Variants in ARHGAP26 observed in about 807,000 individuals in gnomAD.
The protein encoded by ARHGAP26 is rho GTPase-activating protein 26.
A neutral mutation model predicts 104.8 loss-of-function variants in ARHGAP26; 38 were observed. The observed-to-expected ratio is 0.36, with a 90% confidence interval of 0.28 to 0.48. The LOEUF is 0.48. Among genes scored for constraint, ARHGAP26 ranks in the 20% least tolerant of loss-of-function variants. The pLI is 0.99. For missense variants in ARHGAP26, 704 were observed against 947.9 expected, an observed-to-expected ratio of 0.74 and a Z score of 3.38; for synonymous variants, 341 against 340.0, an observed-to-expected ratio of 1.00 and a Z score of -0.03.
intron 11 of ARHGAP26, among the ~76,000 whole-genome samples, chr5:143,002,443 C>G (rs1777320761): frequency 6.6e-6 from 1 of 152,084 alleles, no homozygotes; most frequent in Non-Finnish European, 1.5e-5. Context: ...TTTAGTATTT[C>G]AGTTTCTTTT....
intron 17 of ARHGAP26, among the ~76,000 whole-genome samples, chr5:143,099,233 C>T (rs924317056): frequency 1.3e-5 from 2 of 152,156 alleles, no homozygotes; most frequent in Non-Finnish European, 2.9e-5. Context: ...GTAAGTTAAG[C>T]AAAACTTACA....
At chr5:142,853,489 C>T (rs756485815) in intron 1 of ARHGAP26, among the ~76,000 whole-genome samples, 6 of 152,186 alleles carry the variant, frequency 3.9e-5, no homozygotes, top group Non-Finnish European at 7.3e-5. Flanking sequence ...CTATGCCCAG[C>T]CTAGCTTAGA....
chr5:142,845,080 A>G (rs2152221493), intron 1 of ARHGAP26, among the ~76,000 whole-genome samples: 1 of 152,266 alleles, frequency 6.6e-6, no homozygotes, highest in South Asian at 2.1e-4. Context: ...GCCCAGAACA[A>G]GCACCAGGAA....
chr5:142,840,104 A>G (rs1770467072), intron 1 of ARHGAP26, among the ~76,000 whole-genome samples: 1 of 152,158 alleles, frequency 6.6e-6, no homozygotes, highest in South Asian at 2.1e-4. Context: ...GGGTGTGGCT[A>G]TCTTTGAGAT....
At chr5:142,844,064 T>C (rs1187700283) in intron 1 of ARHGAP26, among the ~76,000 whole-genome samples, 1 of 151,596 alleles carries the variant, frequency 6.6e-6, no homozygotes, top group African/African-American at 2.4e-5. Context: ...TTTTTTTTTT[T>C]TTTTTGAGAC....
intron 1 of ARHGAP26, among the ~76,000 whole-genome samples, chr5:142,849,964 C>G (rs1013527318): frequency 6.6e-6 from 1 of 152,224 alleles, no homozygotes; most frequent in Admixed American, 6.5e-5. Context: ...TCTCACCACG[C>G]CAACCACTGC....
At chr5:143,137,239 GCATATCACTGTTTGGAATC>G (rs1284198127) in intron 19 of ARHGAP26, among the ~76,000 whole-genome samples, 4 of 152,212 alleles carry the variant, frequency 2.6e-5, no homozygotes, top group Non-Finnish European at 5.9e-5. Context: ...CTTGTGGAAT[GCATATCACTGTTTGGAATC>G]CACAAACTGG....
At chr5:142,953,181 A>T (rs934528180) in intron 11 of ARHGAP26, among the ~76,000 whole-genome samples, 6 of 152,180 alleles carry the variant, frequency 3.9e-5, no homozygotes, top group African/African-American at 1.4e-4. Context: ...TACCGCTCTC[A>T]TTCTTGACAT....
intron 11 of ARHGAP26, among the ~76,000 whole-genome samples, chr5:142,985,134 C>T (rs992315924): frequency 2.6e-5 from 4 of 151,134 alleles, no homozygotes; most frequent in African/African-American, 9.7e-5. Context: ...GGTTTTTTAA[C>T]AAAAATAGCT....
chr5:143,116,527 T>G (rs528243793), intron 17 of ARHGAP26, among the ~76,000 whole-genome samples: 1 of 152,348 alleles, frequency 6.6e-6, no homozygotes, highest in Non-Finnish European at 1.5e-5. Context: ...TTAGCACTTA[T>G]AGAGCTCTGG....
rs759987885 is a variant in ARHGAP26, at chr5:142,770,893, G to C, written c.132G>C (p.Lys44Asn). The C allele has an allele frequency of 6.2e-7, 1 of 1,611,024 alleles. No individual in the cohort carries two copies. The highest frequency in any genetic ancestry group is 1.3e-5 in the African/African-American group (1 of 74,788). ...TCAAGGAGCTCATCAAGGACGGGAAGTCACTCATAAGCGCGCTCAAGAGTG... is the reference window on the plus strand; with the variant it reads ...TCAAGGAGCTCATCAAGGACGGGAACTCACTCATAAGCGCGCTCAAGAGTG... The part of the protein sequence containing the change: ...KFIKELIKDG[K>N]SLISALKNLS... Residue 44 changes from lysine to asparagine, a missense_variant, in exon 1 of 23, where the codon AAG becomes AAC. By Grantham distance (94) the Lys-to-Asn change is moderately conservative. Around this residue, in one of 6 missense-constraint regions of ARHGAP26, gnomAD observed 77 missense variants for 82.6 expected, o/e 0.93. Coordinates refer to ENST00000645722, the MANE Select transcript of ARHGAP26 (RefSeq NM_001135608.3).
intron 8 of ARHGAP26, among the ~76,000 whole-genome samples, chr5:142,905,503 A>G (rs1463698520): frequency 2.6e-5 from 4 of 152,194 alleles, no homozygotes; most frequent in African/African-American, 9.7e-5. Context: ...TACCCAGTGC[A>G]TCAATTTTTA....
At position 142,922,992 on chromosome 5, in the gene ARHGAP26, A is replaced by G. The variant is rs3797080; in HGVS notation, c.1029-9055A>G. Among the ~76,000 whole-genome samples the G allele has an allele frequency of 2.6e-3, 400 of 152,262 alleles. 9 individuals carry two copies. The East Asian group carries it at 0.043, about 16-fold the overall frequency. On this transcript the variant is annotated intron_variant, in intron 10 of 22. Transcript: ENST00000645722. ...ATGACTTGAGTTGGGAGACGATACCATAGTTTCTGAATTGCTTTTTGGCTG... is the reference window on the plus strand; with the variant it reads ...ATGACTTGAGTTGGGAGACGATACCGTAGTTTCTGAATTGCTTTTTGGCTG...
intron 9 of ARHGAP26, among the ~76,000 whole-genome samples, chr5:142,909,998 T>C (rs1377060750): frequency 2.6e-5 from 4 of 152,228 alleles, no homozygotes; most frequent in Non-Finnish European, 1.5e-5. Context: ...AGAAAGCATG[T>C]CATTGGGTAG....
intron 9 of ARHGAP26, among the ~76,000 whole-genome samples, chr5:142,909,043 G>A (rs551152955): frequency 6.6e-6 from 1 of 152,074 alleles, no homozygotes; most frequent in African/African-American, 2.4e-5. Flanking sequence ...TCTATTGCTT[G>A]GGAGGTTTTG....
chr5:142,788,582 AC>A (rs568112268), intron 1 of ARHGAP26, among the ~76,000 whole-genome samples: 86 of 152,318 alleles, frequency 5.6e-4, no homozygotes, highest in Non-Finnish European at 1.1e-3. Context: ...TCATTACTGA[AC>A]ATGTTCAGAT....
intron 12 of ARHGAP26, among the ~76,000 whole-genome samples, chr5:143,017,177 A>T (rs906301593): frequency 3.3e-5 from 5 of 152,248 alleles, no homozygotes; most frequent in African/African-American, 1.2e-4. Flanking sequence ...ATTTCAATGC[A>T]AACATTTTAT....
intron 11 of ARHGAP26, among the ~76,000 whole-genome samples, chr5:142,951,017 CCCTTTCTCT>C (rs1562140874): frequency 3.4e-5 from 5 of 146,708 alleles, no homozygotes; most frequent in Non-Finnish European, 7.5e-5. Context: ...CTTTCCCTTT[CCCTTTCTCT>C]TTCCCTTTCC....
chr5:142,849,931 G>A (rs1464041574), intron 1 of ARHGAP26, among the ~76,000 whole-genome samples: 1 of 152,040 alleles, frequency 6.6e-6, no homozygotes, highest in East Asian at 1.9e-4. Flanking sequence ...CAAACCCCAC[G>A]GGTGTTCTTC....
Sources: allele counts gnomAD v4.1 joint callset (sites outside exome capture counted in the v4.1 genomes callset), GRCh38; gene constraint gnomAD v4.1.1; regional missense constraint gnomAD v4.1.1; transcripts MANE v1.5; gene names NCBI Gene and HGNC (gene_info 2026-07-23, HGNC 2026-07-21).